PALS2: variants seen among roughly 807,000 people sequenced by gnomAD.
The protein encoded by PALS2 is protein PALS2.
A neutral mutation model predicts 61.6 loss-of-function variants in PALS2; 27 were observed. The observed-to-expected ratio is 0.44, with a 90% CI of 0.32 to 0.60. The LOEUF is 0.60. Ranked by LOEUF, PALS2 falls within the 20% of genes least tolerant of loss-of-function variation. PALS2 has a pLI of 0.05. For synonymous variants in PALS2, 236 were observed against 218.6 expected (o/e 1.08, Z -0.70); for missense variants, 554 against 639.4 (o/e 0.87, Z 1.44).
chr7:24,626,093 CTTA>C (rs1197207632), intron 2 of PALS2, among the ~76,000 whole-genome samples: 1 of 151,892 alleles, frequency 6.6e-6, no homozygotes. Flanking sequence ...TTGAAAATAA[CTTA>C]TTAATGTACT....
At chr7:24,635,732 C>G (rs913597890) in intron 2 of PALS2, among the ~76,000 whole-genome samples, 3 of 152,154 alleles carry the variant, frequency 2.0e-5, no homozygotes, top group South Asian at 4.1e-4. Context: ...ATATCAGTAC[C>G]TGTGTCACAA....
intron 1 of PALS2, among the ~76,000 whole-genome samples, chr7:24,605,926 A>G (rs753948985): frequency 1.2e-4 from 19 of 152,174 alleles, no homozygotes; most frequent in Non-Finnish European, 2.2e-4. Context: ...GCACCCTTAT[A>G]TAAAAGATTT....
intron 1 of PALS2, among the ~76,000 whole-genome samples, chr7:24,615,624 C>A (rs1363911190): frequency 6.6e-6 from 1 of 151,842 alleles, no homozygotes; most frequent in African/African-American, 2.4e-5. Context: ...AAAGGAAAGT[C>A]CAGGACTGGA....
chr7:24,602,884 A>G (rs1209765425), intron 1 of PALS2, among the ~76,000 whole-genome samples: 1 of 152,180 alleles, frequency 6.6e-6, no homozygotes, highest in Non-Finnish European at 1.5e-5. Flanking sequence ...AGTTCTCACA[A>G]GATCTGATGG....
intron 1 of PALS2, chr7:24,597,210 A>G (rs892186246): frequency 3.3e-5 from 5 of 152,194 alleles, no homozygotes; most frequent in African/African-American, 9.6e-5. Context: ...TGTAACTAAT[A>G]CTTGGAAATT....
At chr7:24,647,259 G>GAA (rs1785887153) in intron 3 of PALS2, among the ~76,000 whole-genome samples, 1 of 151,304 alleles carries the variant, frequency 6.6e-6, no homozygotes, top group African/African-American at 2.4e-5. Context: ...CAATTCTCCT[G>GAA]CCTCAGCCTC....
At chr7:24,626,136 T>TA (rs1453549793) in intron 2 of PALS2, among the ~76,000 whole-genome samples, 1 of 152,148 alleles carries the variant, frequency 6.6e-6, no homozygotes, top group Non-Finnish European at 1.5e-5. Context: ...AAAAAACATG[T>TA]AAAATATTTT....
At chr7:24,670,776 A>G (rs1008564425) in intron 9 of PALS2, among the ~76,000 whole-genome samples, 1 of 152,124 alleles carries the variant, frequency 6.6e-6, no homozygotes, top group Non-Finnish European at 1.5e-5. Context: ...TGGACATTTT[A>G]TATACTGGAG....
At chr7:24,665,567 A>T in intron 6 of PALS2, 21 bp from the exon 7 acceptor site, 8 of 1,607,776 alleles carry the variant, frequency 5.0e-6, no homozygotes, top group Non-Finnish European at 5.1e-6. Flanking sequence ...TGAGATGTAC[A>T]ATTCATTAAT....
At chr7:24,607,501 ATGTGTATATATATGTGTATATATGTG>A (rs1307142549) in intron 1 of PALS2, among the ~76,000 whole-genome samples, 2 of 151,358 alleles carry the variant, frequency 1.3e-5, no homozygotes, top group Non-Finnish European at 2.9e-5. Flanking sequence ...CATGATATAT[ATGTGTATATATATGTGTATATATGTG>A]TGTGTATATA....
At chr7:24,665,331 A>G (rs910862447) in intron 6 of PALS2, among the ~76,000 whole-genome samples, 1 of 152,160 alleles carries the variant, frequency 6.6e-6, no homozygotes, top group East Asian at 1.9e-4. Context: ...ATAAATAAGA[A>G]GTTTTAGCAA....
At chr7:24,629,022 G>A (rs557723399) in intron 2 of PALS2, among the ~76,000 whole-genome samples, 5 of 152,062 alleles carry the variant, frequency 3.3e-5, no homozygotes, top group African/African-American at 7.2e-5. Flanking sequence ...AAAAAGAGCC[G>A]GTATAGCCTA....
intron 2 of PALS2, among the ~76,000 whole-genome samples, chr7:24,632,426 A>G (rs1023181355): frequency 1.3e-5 from 2 of 152,110 alleles, no homozygotes; most frequent in South Asian, 4.1e-4. Flanking sequence ...TTTTAGACGG[A>G]GTCTTGCTCT....
At chr7:24,627,616 C>CTA (rs1784804165) in intron 2 of PALS2, among the ~76,000 whole-genome samples, 1 of 152,040 alleles carries the variant, frequency 6.6e-6, no homozygotes, top group African/African-American at 2.4e-5. Flanking sequence ...AGATAGACCG[C>CTA]TAGCCAGACT....
At chr7:24,622,818 T>C (rs1253720394) in intron 1 of PALS2, among the ~76,000 whole-genome samples, 1 of 151,738 alleles carries the variant, frequency 6.6e-6, no homozygotes, top group African/African-American at 2.4e-5. Context: ...TAGCTGTGGG[T>C]TTTTCATAGA....
At chr7:24,636,738 C>G (rs1202450407) in intron 2 of PALS2, among the ~76,000 whole-genome samples, 1 of 152,080 alleles carries the variant, frequency 6.6e-6, no homozygotes, top group African/African-American at 2.4e-5. Flanking sequence ...TGCTGAAACT[C>G]TTCACCCAGT....
At chr7:24,667,355 G>A (rs906790313) in intron 8 of PALS2, among the ~76,000 whole-genome samples, 3 of 152,030 alleles carry the variant, frequency 2.0e-5, no homozygotes, top group Non-Finnish European at 2.9e-5. Flanking sequence ...ATATTTAAAT[G>A]TATGTTGTCA....
At chr7:24,683,194 C>T (rs1788023156) in intron 11 of PALS2, among the ~76,000 whole-genome samples, 1 of 152,114 alleles carries the variant, frequency 6.6e-6, no homozygotes, top group African/African-American at 2.4e-5. Flanking sequence ...TTTGTCATTC[C>T]TTCTACATTT....
At chr7:24,645,245 TG>T (rs1245133649) in intron 3 of PALS2, among the ~76,000 whole-genome samples, 1 of 152,106 alleles carries the variant, frequency 6.6e-6, no homozygotes, top group Non-Finnish European at 1.5e-5. Flanking sequence ...GGTTGTCTTC[TG>T]GGGTTTTTAC....
Sources: gnomAD v4.1 joint callset for allele counts (sites outside exome capture counted in the v4.1 genomes callset) on GRCh38, gnomAD v4.1.1 for gene constraint, MANE v1.5 for transcripts, NCBI Gene and HGNC (gene_info 2026-07-23, HGNC 2026-07-21) for gene names.